The following ENTPD1 variants were observed in gnomAD, a reference collection of about 807,000 sequenced individuals.
The protein encoded by ENTPD1 is ATP diphosphohydrolase.
Under a neutral mutation model 57.0 loss-of-function variants are expected in ENTPD1, and 33 were observed. That is an observed-to-expected ratio of 0.58 (90% CI 0.44 to 0.77). ENTPD1 has a LOEUF of 0.77. Ranked by LOEUF, ENTPD1 falls within the 30% of genes least tolerant of loss-of-function variation. The pLI is 0.00. For missense variants in ENTPD1, 501 were observed against 603.4 expected, an observed-to-expected ratio of 0.83 and a Z score of 1.78; for synonymous variants, 202 against 218.8, an observed-to-expected ratio of 0.92 and a Z score of 0.68.
chr10:95,755,353 A>T, upstream of ENTPD1: 1 of 219,416 alleles, frequency 4.6e-6, no homozygotes, highest in Non-Finnish European at 9.1e-6. Flanking sequence ...TTGGGACTTG[A>T]GGACTTACCT....
At chr10:95,788,685 A>G (rs781751702) in intron 1 of ENTPD1, among the ~76,000 whole-genome samples, 12 of 152,152 alleles carry the variant, frequency 7.9e-5, no homozygotes, top group Non-Finnish European at 1.8e-4. Context: ...CTGATTATAC[A>G]ATAATAAATA....
chr10:95,747,284 G>A (rs148485371), intron 1 of ENTPD1, among the ~76,000 whole-genome samples: 25 of 152,234 alleles, frequency 1.6e-4, no homozygotes, highest in Middle Eastern at 3.4e-3. Flanking sequence ...TTTGACATAC[G>A]TTATGAAGAA....
chr10:95,735,700 A>G (rs1378836899), intron 1 of ENTPD1, among the ~76,000 whole-genome samples: 1 of 151,948 alleles, frequency 6.6e-6, no homozygotes, highest in Non-Finnish European at 1.5e-5. Flanking sequence ...GGTTCAAGTG[A>G]TTCTCCTGCC....
chr10:95,758,521 G>T (rs1278514963), intron 1 of ENTPD1, among the ~76,000 whole-genome samples: 2 of 152,096 alleles, frequency 1.3e-5, no homozygotes, highest in Non-Finnish European at 2.9e-5. Flanking sequence ...CCCCATCTTG[G>T]ATGCTTCTAT....
At chr10:95,744,924 C>A (rs1023700834) in intron 1 of ENTPD1, among the ~76,000 whole-genome samples, 1 of 152,146 alleles carries the variant, frequency 6.6e-6, no homozygotes, top group African/African-American at 2.4e-5. Context: ...CCTTTCCCTA[C>A]CCTGATGAAT....
chr10:95,823,147 G>C, intron 1 of ENTPD1, 90 bp from the exon 2 acceptor site: 2 of 1,516,786 alleles, frequency 1.3e-6, no homozygotes, highest in Admixed American at 3.4e-5. Flanking sequence ...GATGTCTCCA[G>C]GTAGCCATTA....
At chr10:95,737,863 A>T (rs1415722866) in intron 1 of ENTPD1, among the ~76,000 whole-genome samples, 1 of 152,196 alleles carries the variant, frequency 6.6e-6, no homozygotes, top group East Asian at 1.9e-4. Flanking sequence ...AACCCTTATG[A>T]TGGAACAACA....
chr10:95,814,187 C>A (rs1418641718), intron 1 of ENTPD1, among the ~76,000 whole-genome samples: 1 of 152,220 alleles, frequency 6.6e-6, no homozygotes, highest in Admixed American at 6.5e-5. Flanking sequence ...TTCCTCCCTG[C>A]CAACCCTACA....
chr10:95,845,786 C>T (rs2098434320), intron 6 of ENTPD1, 190 bp downstream of exon 6: 1 of 825,292 alleles, frequency 1.2e-6, no homozygotes. Flanking sequence ...CATCCCCTCC[C>T]ATGTTTGTTT....
chr10:95,743,138 CAG>C (rs1488431756), intron 1 of ENTPD1, among the ~76,000 whole-genome samples: 5 of 152,150 alleles, frequency 3.3e-5, no homozygotes, highest in African/African-American at 1.2e-4. Context: ...GAGAATTTCT[CAG>C]ACTTTTTATT....
intron 1 of ENTPD1, among the ~76,000 whole-genome samples, chr10:95,761,608 T>C (rs2098063505): frequency 6.6e-6 from 1 of 152,162 alleles, no homozygotes; most frequent in South Asian, 2.1e-4. Context: ...ATTCAGCAAA[T>C]ATATGCCCTA....
In ENTPD1 at chr10:95,869,851, T is replaced by C; in HGVS notation, c.*3468T>C. On this transcript the variant is annotated 3_prime_UTR_variant, in exon 10 of 10. Coordinates refer to ENST00000371205, the MANE Select transcript of ENTPD1 (RefSeq NM_001776.6). ...GTTAATATTTTTCTCATACTAAATT[T>C]TCAAAATATTTTGTGTCTATTACAT... The C allele has an allele frequency of 1.3e-6, 1 of 759,276 alleles. No homozygotes were observed. Among genetic ancestry groups the C allele is most frequent in the Non-Finnish European group, 1.6e-6 (1 of 623,610 alleles). 47.0% of individuals were successfully genotyped at this position (759,276 alleles called of 1,614,324 possible).
rs1228496946 is a variant in ENTPD1, at chr10:95,872,782, C to T, written c.*6399C>T. ...GGTCCGCACCACTAGTTCTGCTTCA[C>T]TCTATTTATCTCTTGATGTAACCAT... On this transcript the variant is annotated 3_prime_UTR_variant, in exon 10 of 10. Transcript: ENST00000371205. 2.2e-5 allele frequency: 22 copies of T among 985,458 alleles called. No individual in the cohort carries two copies. Among genetic ancestry groups the T allele is most frequent in the Non-Finnish European group, 2.5e-5 (21 of 829,934 alleles). 61.0% of individuals were successfully genotyped at this position (985,458 alleles called of 1,614,324 possible).
chr10:95,797,691 A>G (rs561185935), intron 1 of ENTPD1, among the ~76,000 whole-genome samples: 95 of 152,254 alleles, frequency 6.2e-4, no homozygotes, highest in African/African-American at 2.2e-3. Context: ...GCTCTTTTAA[A>G]CAACCAGCTC....
At chr10:95,708,217 TA>T (rs1434717537), upstream of ENTPD1, among the ~76,000 whole-genome samples, 3 of 42,344 alleles carry the variant, frequency 7.1e-5, no homozygotes, top group East Asian at 6.5e-4. Flanking sequence ...ATTTTTATTT[TA>T]TTTTTTTTTT....
At chr10:95,783,466 A>C (rs2098165727) in intron 1 of ENTPD1, among the ~76,000 whole-genome samples, 1 of 152,198 alleles carries the variant, frequency 6.6e-6, no homozygotes, top group Non-Finnish European at 1.5e-5. Context: ...CAGAGCAAAC[A>C]CGCACTCTTT....
intron 1 of ENTPD1, among the ~76,000 whole-genome samples, chr10:95,809,576 C>CT (rs2098291032): frequency 1.1e-5 from 1 of 94,094 alleles, no homozygotes; most frequent in Non-Finnish European, 2.4e-5. Flanking sequence ...GGCAGAGGCG[C>CT]CCCCCCACCT....
chr10:95,835,134 C>T lies in ENTPD1; in HGVS notation c.145-4557C>T, dbSNP rs775638966. Among the ~76,000 whole-genome samples, 85 of 152,076 alleles carry T rather than the reference C, an allele frequency of 5.6e-4. 1 individual carries two copies. The highest frequency in any genetic ancestry group is 2.1e-4 in the Non-Finnish European group (14 of 68,010). On this transcript the variant is annotated intron_variant, in intron 2 of 9. Coordinates refer to ENST00000371205, the MANE Select transcript of ENTPD1 (RefSeq NM_001776.6). ...TGGAATCCCTAGTGTTTATTGTTCCCGTCTTTGTGTTCATGTGTACCCAAC... is the reference window on the plus strand; with the variant it reads ...TGGAATCCCTAGTGTTTATTGTTCCTGTCTTTGTGTTCATGTGTACCCAAC...
intron 1 of ENTPD1, among the ~76,000 whole-genome samples, chr10:95,778,411 A>T (rs2098142586): frequency 6.6e-6 from 1 of 152,238 alleles, no homozygotes; most frequent in Non-Finnish European, 1.5e-5. Context: ...ATGAGAAAAT[A>T]TCCAACTTCA....
Sources: allele counts gnomAD v4.1 joint callset (sites outside exome capture counted in the v4.1 genomes callset), GRCh38; gene constraint gnomAD v4.1.1; transcripts MANE v1.5; gene names NCBI Gene and HGNC (gene_info 2026-07-23, HGNC 2026-07-21).